GDI2: variants seen among roughly 807,000 people sequenced by gnomAD.
GDI2 encodes rab GDP dissociation inhibitor beta.
In GDI2, 22 loss-of-function variants were observed where a neutral mutation model predicts 54.2. That is an observed-to-expected ratio of 0.41 (90% confidence interval 0.29 to 0.58). GDI2 has a LOEUF of 0.58. Ranked by LOEUF, GDI2 falls within the 20% of genes least tolerant of loss-of-function variation. The probability of loss-of-function intolerance (pLI) is 0.35; values close to 1 mark genes in which losing one functional copy is unlikely to be tolerated. For synonymous variants in GDI2, 177 were observed against 182.1 expected, an observed-to-expected ratio of 0.97 and a Z score of 0.23; for missense variants, 422 against 546.0, an observed-to-expected ratio of 0.77 and a Z score of 2.26.
At chr10:5,775,942 T>G (rs2131687433) in intron 6 of GDI2, 2 of 162,916 alleles carry the variant, frequency 1.2e-5, no homozygotes, top group East Asian at 1.9e-4. Context: ...CTGCTGGCTC[T>G]TGAACGCAGA....
At chr10:5,770,019 A>G (rs567392840) in intron 7 of GDI2, among the ~76,000 whole-genome samples, 2 of 152,378 alleles carry the variant, frequency 1.3e-5, no homozygotes, top group East Asian at 3.9e-4. Flanking sequence ...ACTATGGTCT[A>G]TCTTTCCATA....
rs60804301 is a variant in GDI2, at chr10:5,796,348, CAAA to C, written c.253+412_253+414del. The stretch of plus-strand genomic sequence containing the variant: ...TGGGTGACAGAGCGAGACTCCGTCT[CAAA>C]AAAAAAAAAAGAAAAAGAAAACTTA... On this transcript the variant is annotated intron_variant, in intron 3 of 10. Coordinates refer to ENST00000380191, the MANE Select transcript of GDI2 (RefSeq NM_001494.4). Among the ~76,000 whole-genome samples, 34 of 143,828 alleles carry C rather than the reference CAAA, an allele frequency of 2.4e-4. No individual in the cohort carries two copies. The South Asian group carries it at 3.7e-3, about 16-fold the overall frequency. The allele number at this position is 143,828 out of a possible 152,430, so 94.4% of individuals were successfully genotyped here. A position where few individuals can be genotyped will look rare whatever the true frequency, so the allele number is the denominator to read the frequency against.
chr10:5,778,692 A>G (rs1840682268), intron 6 of GDI2, among the ~76,000 whole-genome samples: 1 of 152,250 alleles, frequency 6.6e-6, no homozygotes, highest in African/African-American at 2.4e-5. Flanking sequence ...AGGAGGAAAT[A>G]TCCTTTGCTT....
chr10:5,766,647 A>T lies in GDI2; in HGVS notation c.992-9T>A. ...CATGCAGACGTAGATATCTAGAAAC[A>T]AATGATACCAGCTCACTGCCTCAAG... On this transcript the variant is annotated splice_polypyrimidine_tract_variant and intron_variant, in intron 8 of 10. Transcript: ENST00000380191. This position sits in a 1 kb window ranked among gnomAD's most constrained non-coding sequence, Gnocchi z 5.8. 1 of 1,612,078 alleles carries T rather than the reference A, an allele frequency of 6.2e-7. No individual in the cohort carries two copies. Among genetic ancestry groups the T allele is most frequent in the Non-Finnish European group, 8.5e-7 (1 of 1,178,124 alleles).
chr10:5,783,878 T>C (rs1840813615), intron 6 of GDI2, among the ~76,000 whole-genome samples: 1 of 152,214 alleles, frequency 6.6e-6, no homozygotes. Context: ...GATTCTTTCC[T>C]TCATCTTGAC....
intron 4 of GDI2, among the ~76,000 whole-genome samples, chr10:5,794,188 AATATAT>A (rs1165735549): frequency 0.024 from 953 of 40,056 alleles, 36 homozygotes; most frequent in East Asian, 0.043. Context: ...AAAAAAAAAA[AATATAT>A]ATATATATAT....
At chr10:5,784,459 C>T (rs1324980856) in intron 6 of GDI2, among the ~76,000 whole-genome samples, 1 of 152,176 alleles carries the variant, frequency 6.6e-6, no homozygotes, top group Non-Finnish European at 1.5e-5. Context: ...AGATCCATTG[C>T]TGGTAAGCTA....
intron 4 of GDI2, among the ~76,000 whole-genome samples, chr10:5,789,300 ATGTTG>A (rs1840953733): frequency 6.6e-6 from 1 of 151,640 alleles, no homozygotes; most frequent in African/African-American, 2.4e-5. Flanking sequence ...GGGTCTTACT[ATGTTG>A]CCCAGGCTGA....
Position 5,813,387 on chromosome 10 carries a change from G to A in GDI2, c.-129C>T. On this transcript the variant is annotated 5_prime_UTR_variant, in exon 1 of 11. Transcript: ENST00000380191. ...AAGAGAAAGAGAGGAAAATGGAGCT[G>A]GCGACAAGGCGAGACCGACCGCCAC... 3.2e-6 allele frequency: 2 copies of A among 628,772 alleles called. No individual in the cohort carries two copies. Among genetic ancestry groups the A allele is most frequent in the South Asian group, 2.0e-5 (1 of 50,984 alleles). The allele number at this position is 628,772 out of a possible 1,614,324, so 38.9% of individuals were successfully genotyped here.
chr10:5,792,117 A>G (rs1841032842), intron 4 of GDI2, among the ~76,000 whole-genome samples: 1 of 152,226 alleles, frequency 6.6e-6, no homozygotes. Flanking sequence ...CATTGTTAAA[A>G]TATCTAAAAA....
intron 5 of GDI2, 114 bp downstream of exon 5, chr10:5,785,737 CA>C: frequency 1.5e-6 from 1 of 671,676 alleles, no homozygotes. Flanking sequence ...AGAACCTCTT[CA>C]TTCATAGTGC....
At chr10:5,780,845 A>C (rs1005491098) in intron 6 of GDI2, among the ~76,000 whole-genome samples, 2 of 152,242 alleles carry the variant, frequency 1.3e-5, no homozygotes, top group African/African-American at 2.4e-5. Flanking sequence ...ACTCATCTAC[A>C]AATTTAACTC....
At chr10:5,810,928 C>G (rs1841469437) in intron 1 of GDI2, among the ~76,000 whole-genome samples, 1 of 152,164 alleles carries the variant, frequency 6.6e-6, no homozygotes, top group Non-Finnish European at 1.5e-5. Flanking sequence ...CACAGCAACT[C>G]CAGCACTTCC....
intron 6 of GDI2, among the ~76,000 whole-genome samples, chr10:5,781,232 T>A: frequency 6.9e-6 from 1 of 144,516 alleles, no homozygotes. Context: ...TGTCTCAAGA[T>A]GAATCAGATT....
Position 5,776,700 on chromosome 10 carries a change from A to G in GDI2, c.720-2759T>C, listed in dbSNP as rs1365534279. On this transcript the variant is annotated intron_variant, in intron 6 of 10. Coordinates refer to ENST00000380191, the MANE Select transcript of GDI2 (RefSeq NM_001494.4). The surrounding 1 kb of genome is among the most constrained non-coding windows in gnomAD (Gnocchi z 5.3). ...TCAGAGTTATGGAGCTTGCCGCCAC[A>G]TTCAGAAACTGCTACAGCCTCTTTA... 1.4e-6 allele frequency: 2 copies of G among 1,462,028 alleles called. No individual in the cohort carries two copies. Among genetic ancestry groups the G allele is most frequent in the African/African-American group, 1.4e-5 (1 of 71,126 alleles). 90.6% of individuals were successfully genotyped at this position (1,462,028 alleles called of 1,614,324 possible). A position where few individuals can be genotyped will look rare whatever the true frequency, so the allele number is the denominator to read the frequency against.
At position 5,771,130 on chromosome 10, in the gene GDI2, T is replaced by TATA. The variant is rs529700900; in HGVS notation, c.819+2709_819+2711dup. Among the ~76,000 whole-genome samples, 13 of 152,238 alleles carry TATA rather than the reference T, an allele frequency of 8.5e-5. No homozygotes were observed. In the South Asian group the frequency reaches 1.2e-3, roughly 15 times the overall value. ...TCTGTTATCTTCATAATCTAATGAA[T>TATA]ATAAAAGTCAAGGTAATTATTAAAC... is the stretch of plus-strand genomic sequence containing the variant. On this transcript the variant is annotated intron_variant, in intron 7 of 10. Coordinates refer to ENST00000380191, the MANE Select transcript of GDI2 (RefSeq NM_001494.4).
intron 3 of GDI2, 126 bp from the exon 4 acceptor site, chr10:5,795,145 T>C: frequency 1.6e-6 from 1 of 640,224 alleles, no homozygotes; most frequent in Non-Finnish European, 2.7e-6. Context: ...TAATTTTTTT[T>C]TGAGACACAG....
At chr10:5,780,471 C>A (rs1840732065) in intron 6 of GDI2, among the ~76,000 whole-genome samples, 2 of 152,126 alleles carry the variant, frequency 1.3e-5, no homozygotes, top group African/African-American at 4.8e-5. Flanking sequence ...AAAGAAGAAT[C>A]TCTTTATTCA....
Position 5,776,545 on chromosome 10 carries a change from T to C in GDI2, c.720-2604A>G. The stretch of plus-strand genomic sequence containing the variant: ...ATAGAGAAGCAGATTTGAAGAGGCA[T>C]GTGGAATTCCTTGTGGCTGAGAATG... On this transcript the variant is annotated intron_variant, in intron 6 of 10. Transcript: ENST00000380191. The surrounding 1 kb of genome is among the most constrained non-coding windows in gnomAD (Gnocchi z 5.3). The C allele has an allele frequency of 1.9e-6, 3 of 1,557,330 alleles. No homozygotes were observed. Among genetic ancestry groups the C allele is most frequent in the Admixed American group, 1.7e-5 (1 of 59,568 alleles).
Sources: allele counts gnomAD v4.1 joint callset (sites outside exome capture counted in the v4.1 genomes callset), GRCh38; gene constraint gnomAD v4.1.1; non-coding constraint Gnocchi (gnomAD v3.1); transcripts MANE v1.5; gene names NCBI Gene and HGNC (gene_info 2026-07-23, HGNC 2026-07-21).